The following SYNDIG1 variants were observed in gnomAD, a reference collection of about 807,000 sequenced individuals.
SYNDIG1 encodes the protein synapse differentiation-inducing gene protein 1.
In SYNDIG1, 9 loss-of-function variants were observed where a neutral mutation model predicts 19.4. The ratio of observed to expected loss-of-function variants is 0.46; its 90% CI spans 0.28 to 0.81. The LOEUF (loss-of-function observed/expected upper bound fraction) is 0.81. Among genes scored for constraint, SYNDIG1 ranks in the 30% least tolerant of loss-of-function variants. The pLI, the probability that SYNDIG1 is intolerant of heterozygous loss-of-function variation, is 0.12. For missense variants in SYNDIG1, 311 were observed against 343.3 expected, an observed-to-expected ratio of 0.91 and a Z score of 0.74; for synonymous variants, 141 against 145.9, an observed-to-expected ratio of 0.97 and a Z score of 0.24.
At chr20:24,555,125 G>A (rs1392381416) in intron 2 of SYNDIG1, among the ~76,000 whole-genome samples, 1 of 152,156 alleles carries the variant, frequency 6.6e-6, no homozygotes, top group Non-Finnish European at 1.5e-5. Context: ...ATGGTAGTTT[G>A]TATTTCTGTG....
At chr20:24,591,691 A>G (rs2058514389) in intron 3 of SYNDIG1, among the ~76,000 whole-genome samples, 1 of 152,206 alleles carries the variant, frequency 6.6e-6, no homozygotes, top group Non-Finnish European at 1.5e-5. Flanking sequence ...CACCTCGCAC[A>G]TAGTTGACAT....
intron 2 of SYNDIG1, among the ~76,000 whole-genome samples, chr20:24,577,065 G>T (rs571344961): frequency 3.9e-5 from 6 of 152,230 alleles, no homozygotes; most frequent in African/African-American, 1.4e-4. Flanking sequence ...AAGTATGACA[G>T]CATATACCCA....
chr20:24,530,023 T>TGGTGGTGATGGTAGTACTCC, intron 1 of SYNDIG1, among the ~76,000 whole-genome samples: 1 of 150,784 alleles, frequency 6.6e-6, no homozygotes, highest in South Asian at 2.1e-4. Context: ...ATGGTGATGG[T>TGGTGGTGATGGTAGTACTCC]CGTGGTGATG....
chr20:24,496,470 C>G (rs2056308422), intron 1 of SYNDIG1, among the ~76,000 whole-genome samples: 1 of 152,154 alleles, frequency 6.6e-6, no homozygotes, highest in African/African-American at 2.4e-5. Flanking sequence ...AAGATTTTAT[C>G]CTTTTTGATT....
chr20:24,534,305 C>G (rs1203907294), intron 1 of SYNDIG1, among the ~76,000 whole-genome samples: 1 of 152,184 alleles, frequency 6.6e-6, no homozygotes, highest in Non-Finnish European at 1.5e-5. Flanking sequence ...CTCACAGCCT[C>G]CACCCCTCCC....
intron 1 of SYNDIG1, among the ~76,000 whole-genome samples, chr20:24,530,804 G>GGT (rs1568615561): frequency 1.3e-5 from 2 of 149,254 alleles, no homozygotes; most frequent in Admixed American, 6.6e-5. Context: ...TGTTTTTTGG[G>GGT]TTTTTTGTTT....
intron 1 of SYNDIG1, among the ~76,000 whole-genome samples, chr20:24,537,658 GGCACT>G (rs957907137): frequency 8.7e-4 from 133 of 152,294 alleles, no homozygotes; most frequent in African/African-American, 3.0e-3. Context: ...GGCTCCAGAT[GGCACT>G]GCTGGTGGGT....
intron 2 of SYNDIG1, among the ~76,000 whole-genome samples, chr20:24,567,002 C>T (rs891132688): frequency 5.9e-5 from 9 of 152,186 alleles, no homozygotes; most frequent in Non-Finnish European, 1.3e-4. Flanking sequence ...AGCCACATGG[C>T]CTGACCCCTT....
chr20:24,475,706 C>T (rs115784063), intron 1 of SYNDIG1, among the ~76,000 whole-genome samples: 185 of 152,306 alleles, frequency 1.2e-3, no homozygotes, highest in African/African-American at 4.1e-3. Flanking sequence ...GGCAGTCCCA[C>T]CAATCCTAAC....
In SYNDIG1 at chr20:24,658,630, G is replaced by A. The variant is rs1289657520; in HGVS notation, c.619-6716G>A. On this transcript the variant is annotated intron_variant, in intron 3 of 3. Coordinates refer to ENST00000376862, the MANE Select transcript of SYNDIG1 (RefSeq NM_024893.3). This position sits in a 1 kb window ranked among gnomAD's most constrained non-coding sequence, Gnocchi z 4.4. ...TGACCCCCCACCCCCACCCCCCGGC[G>A]ATTCACTGAATGTGAAATAGATTCC... Among the ~76,000 whole-genome samples, 2 of 149,530 alleles carry A rather than the reference G, an allele frequency of 1.3e-5. No homozygotes were observed. Among genetic ancestry groups the A allele is most frequent in the East Asian group, 2.0e-4 (1 of 4,998 alleles).
intron 1 of SYNDIG1, among the ~76,000 whole-genome samples, chr20:24,530,761 C>T (rs1408815764): frequency 4.6e-5 from 7 of 151,792 alleles, no homozygotes; most frequent in African/African-American, 1.7e-4. Flanking sequence ...CTAAATGAAA[C>T]TGCAATTAGT....
At position 24,624,670 on chromosome 20, in the gene SYNDIG1, G is replaced by A. The variant is rs73902788; in HGVS notation, c.618+39677G>A. 6.4e-3 allele frequency among the ~76,000 whole-genome samples: 970 copies of A among 152,254 alleles called. 12 individuals are homozygous for A. Among genetic ancestry groups the A allele is most frequent in the African/African-American group, 0.022 (918 of 41,542 alleles). ...AGTGAAGATATAAATCATAAAAAAT[G>A]ACCTGAATAGCACTATCAATCAACT... On this transcript the variant is annotated intron_variant, in intron 3 of 3. Coordinates refer to ENST00000376862, the MANE Select transcript of SYNDIG1 (RefSeq NM_024893.3).
At chr20:24,660,655 G>A (rs1036492194) in intron 3 of SYNDIG1, among the ~76,000 whole-genome samples, 1 of 152,212 alleles carries the variant, frequency 6.6e-6, no homozygotes, top group Non-Finnish European at 1.5e-5. Context: ...TCTCGTACAC[G>A]GCTTGCTTTC....
intron 1 of SYNDIG1, among the ~76,000 whole-genome samples, chr20:24,530,036 G>A (rs115347919): frequency 3.4e-5 from 5 of 148,520 alleles, no homozygotes; most frequent in South Asian, 2.2e-4. Flanking sequence ...TGGTGATGGT[G>A]GTAATGGTGA....
intron 1 of SYNDIG1, among the ~76,000 whole-genome samples, chr20:24,534,768 G>A (rs1219876639): frequency 2.0e-5 from 3 of 152,216 alleles, no homozygotes; most frequent in African/African-American, 7.2e-5. Flanking sequence ...GCACACGGTA[G>A]GTACCCATTA....
intron 3 of SYNDIG1, among the ~76,000 whole-genome samples, chr20:24,648,245 C>T (rs998744534): frequency 6.6e-6 from 1 of 152,212 alleles, no homozygotes; most frequent in African/African-American, 2.4e-5. Context: ...AACTCAGCTT[C>T]ACTGAAGCCC....
chr20:24,662,631 G>A (rs1385014675), intron 3 of SYNDIG1, among the ~76,000 whole-genome samples: 1 of 152,198 alleles, frequency 6.6e-6, no homozygotes, highest in African/African-American at 2.4e-5. Context: ...TAGTGTCTTT[G>A]GGTCCTGCTG....
chr20:24,567,788 A>G (rs1298804676), intron 2 of SYNDIG1, among the ~76,000 whole-genome samples: 1 of 152,190 alleles, frequency 6.6e-6, no homozygotes, highest in African/African-American at 2.4e-5. Flanking sequence ...CACTTGGCCC[A>G]TGTGATGTGC....
At chr20:24,663,940 G>A (rs1171935648) in intron 3 of SYNDIG1, among the ~76,000 whole-genome samples, 1 of 152,150 alleles carries the variant, frequency 6.6e-6, no homozygotes, top group East Asian at 1.9e-4. Flanking sequence ...GCATGAAACA[G>A]ACTTGGCTCA....
Sources: allele counts gnomAD v4.1 joint callset (sites outside exome capture counted in the v4.1 genomes callset), GRCh38; gene constraint gnomAD v4.1.1; non-coding constraint Gnocchi (gnomAD v3.1); transcripts MANE v1.5; gene names NCBI Gene and HGNC (gene_info 2026-07-23, HGNC 2026-07-21).